Variants in TBC1D8 observed in about 807,000 individuals in gnomAD.
TBC1D8 encodes BUB2-like protein 1.
Under a neutral mutation model 118.8 loss-of-function variants are expected in TBC1D8, and 65 were observed. The ratio of observed to expected loss-of-function variants is 0.55; its 90% CI spans 0.45 to 0.67. The LOEUF is 0.67. Ranked by LOEUF, TBC1D8 falls within the 30% of genes least tolerant of loss-of-function variation. TBC1D8 has a pLI of 0.00. For synonymous variants in TBC1D8, 566 were observed against 595.8 expected (o/e 0.95, Z 0.73); for missense variants, 1,376 against 1,471.2 (o/e 0.94, Z 1.06).
chr2:101,105,234 C>T (rs1429724037), intron 1 of TBC1D8, among the ~76,000 whole-genome samples: 1 of 152,002 alleles, frequency 6.6e-6, no homozygotes, highest in East Asian at 1.9e-4. Flanking sequence ...TTGCAAAACA[C>T]GTCTGATAAA....
chr2:101,119,499 T>G (rs1475270063), intron 1 of TBC1D8, among the ~76,000 whole-genome samples: 1 of 152,182 alleles, frequency 6.6e-6, no homozygotes, highest in East Asian at 1.9e-4. Flanking sequence ...CTAGATGTGG[T>G]TGCATTAACT....
intron 1 of TBC1D8, among the ~76,000 whole-genome samples, chr2:101,129,904 CA>C (rs762607316): frequency 1.2e-3 from 151 of 123,994 alleles, no homozygotes; most frequent in Non-Finnish European, 1.2e-3. Flanking sequence ...GACTCTGTCT[CA>C]AAAAAAAAAA....
At position 101,065,870 on chromosome 2, in the gene TBC1D8, G is replaced by A. The variant is rs72821082; in HGVS notation, c.284-6331C>T. On this transcript the variant is annotated intron_variant, in intron 2 of 19. Transcript: ENST00000409318. ...GACATACTTTTCAGAAATAAAAGCAGGAATAGAAGACACAGGAAAAACATG... is the reference window on the plus strand; with the variant it reads ...GACATACTTTTCAGAAATAAAAGCAAGAATAGAAGACACAGGAAAAACATG... Among the ~76,000 whole-genome samples, 761 of 152,070 alleles carry A rather than the reference G, an allele frequency of 5.0e-3. 4 individuals are homozygous for A. Among genetic ancestry groups the A allele is most frequent in the Non-Finnish European group, 9.4e-3 (640 of 67,962 alleles).
chr2:101,033,691 T>C lies in TBC1D8; in HGVS notation c.1671A>G (p.Lys557=), dbSNP rs1449703417. The C allele has an allele frequency of 1.9e-6, 3 of 1,613,918 alleles. No homozygotes were observed. Among genetic ancestry groups the C allele is most frequent in the South Asian group, 1.1e-5 (1 of 91,064 alleles). The change falls in exon 10 of 20, where the codon AAA becomes AAG. Residue 557 remains lysine, a synonymous_variant. Coordinates refer to ENST00000409318, the MANE Select transcript of TBC1D8 (RefSeq NM_001330348.2). ...CTATCTCCTCGGTTACCAGGCAGCA[T>C]TTCCCCAGGGACTCCTCCACCAGAT... The part of the protein sequence containing the change: ...YGNLVEESLG[K]CCLVTEEIER...
intron 1 of TBC1D8, chr2:101,109,909 G>A: frequency 1.0e-6 from 1 of 985,516 alleles, no homozygotes; most frequent in Non-Finnish European, 1.2e-6. Context: ...TGCATCTCCA[G>A]GAATGAGGCC....
At chr2:101,099,052 CA>C (rs59820485) in intron 1 of TBC1D8, among the ~76,000 whole-genome samples, 22,131 of 120,278 alleles carry the variant, frequency 0.18, 1,740 homozygotes, top group Middle Eastern at 0.32. Context: ...AAAAACCATC[CA>C]AAAAAAAAAA....
At chr2:101,147,055 G>A (rs1679345865) in intron 1 of TBC1D8, among the ~76,000 whole-genome samples, 1 of 143,318 alleles carries the variant, frequency 7.0e-6, no homozygotes, top group Non-Finnish European at 1.5e-5. Flanking sequence ...GCTCACACCT[G>A]TAATCCCAGT....
intron 1 of TBC1D8, among the ~76,000 whole-genome samples, chr2:101,104,990 A>G (rs796387411): frequency 2.7e-5 from 4 of 147,276 alleles, no homozygotes; most frequent in African/African-American, 1.0e-4. Flanking sequence ...ACACCATTGC[A>G]CTCCAGCCTG....
At chr2:101,147,063 A>C (rs1679346276) in intron 1 of TBC1D8, among the ~76,000 whole-genome samples, 1 of 124,920 alleles carries the variant, frequency 8.0e-6, no homozygotes, top group Admixed American at 8.1e-5. Flanking sequence ...CTGTAATCCC[A>C]GTGCTTTGAG....
intron 1 of TBC1D8, among the ~76,000 whole-genome samples, chr2:101,122,112 G>A (rs1382902274): frequency 2.1e-5 from 3 of 142,770 alleles, no homozygotes; most frequent in South Asian, 2.2e-4. Context: ...TTGCTCTGCC[G>A]CGAGGCTGGA....
intron 15 of TBC1D8, chr2:101,023,566 A>G (rs1009631817): frequency 1.0e-5 from 4 of 397,612 alleles, no homozygotes; most frequent in Admixed American, 3.6e-5. Context: ...TTTTTATTGC[A>G]TATTTTTAAT....
At chr2:101,075,588 T>A (rs971114607) in intron 2 of TBC1D8, among the ~76,000 whole-genome samples, 1 of 152,142 alleles carries the variant, frequency 6.6e-6, no homozygotes. Context: ...CAAAATGGTC[T>A]TATAAGGGGC....
intron 1 of TBC1D8, among the ~76,000 whole-genome samples, chr2:101,105,263 T>A (rs537295846): frequency 1.8e-4 from 27 of 152,058 alleles, no homozygotes; most frequent in Non-Finnish European, 3.4e-4. Context: ...ATCCAAAATA[T>A]ACAAAGAATT....
intron 1 of TBC1D8, among the ~76,000 whole-genome samples, chr2:101,134,497 G>A (rs1330628984): frequency 6.6e-6 from 1 of 152,126 alleles, no homozygotes; most frequent in Non-Finnish European, 1.5e-5. Context: ...TTTTCTCATG[G>A]CTCTGGAGGC....
chr2:101,059,939 A>C (rs1682667579), intron 2 of TBC1D8, among the ~76,000 whole-genome samples: 3 of 146,188 alleles, frequency 2.1e-5, no homozygotes, highest in South Asian at 2.1e-4. Flanking sequence ...ACTCCGTCTC[A>C]AAAAAAAAAA....
At chr2:101,090,421 A>G (rs2105457207) in intron 1 of TBC1D8, 57 bp from the exon 2 acceptor site, 1 of 1,594,102 alleles carries the variant, frequency 6.3e-7, no homozygotes. Flanking sequence ...CCAGCTCCTC[A>G]TGCGTGTGAG....
rs549154267 is a variant in TBC1D8, at chr2:101,028,117, G to C, written c.2382C>G (p.Ile794Met). The change falls in exon 14 of 20, where the codon ATC (isoleucine) becomes ATG (methionine). Residue 794 changes from isoleucine to methionine, a missense_variant. Transcript: ENST00000409318. ...EKFGDQSVEQ[I>M]EHLRYKHRIR... ...TCCTGTGCTTGTAACGTAGGTGCTC[G>C]ATCTGCTCCACAGACTGGTCTCCAA... 8.7e-6 allele frequency: 14 copies of C among 1,613,758 alleles called. No homozygotes were observed. Among genetic ancestry groups the C allele is most frequent in the African/African-American group, 1.3e-5 (1 of 74,882 alleles).
chr2:101,050,312 G>C lies in TBC1D8; in HGVS notation c.872+89C>G, dbSNP rs1178868911. The C allele has an allele frequency of 2.7e-6, 4 of 1,503,374 alleles. No homozygotes were observed. In the African/African-American group the frequency reaches 4.2e-5, roughly 16 times the overall value. 93.1% of individuals were successfully genotyped at this position (1,503,374 alleles called of 1,614,324 possible). A position where few individuals can be genotyped will look rare whatever the true frequency, so the allele number is the denominator to read the frequency against. ...GGAAATTTAAATCTAACATAACCAA[G>C]GCTAACAAAAGCACTTGTACATAAG... On this transcript the variant is annotated intron_variant, in intron 5 of 19. Coordinates refer to ENST00000409318, the MANE Select transcript of TBC1D8 (RefSeq NM_001330348.2).
chr2:101,020,960 G>A (rs1679995648), intron 17 of TBC1D8, among the ~76,000 whole-genome samples: 1 of 152,054 alleles, frequency 6.6e-6, no homozygotes, highest in African/African-American at 2.4e-5. Flanking sequence ...CGGGGAGTTG[G>A]GGGGGTTCTT....
Sources: gnomAD v4.1 joint callset for allele counts (sites outside exome capture counted in the v4.1 genomes callset) on GRCh38, gnomAD v4.1.1 for gene constraint, MANE v1.5 for transcripts, NCBI Gene and HGNC (gene_info 2026-07-23, HGNC 2026-07-21) for gene names.